The following HSPA4L variants were observed in gnomAD, a reference collection of about 807,000 sequenced individuals.
The protein encoded by HSPA4L is heat shock protein family A (Hsp70) member 4 like, also known as heat shock 70 kDa protein 4L.
HSPA4L carries 48 observed loss-of-function variants against 100.3 expected under a neutral mutation model. The observed-to-expected ratio is 0.48, with a 90% confidence interval of 0.38 to 0.61. HSPA4L has a LOEUF of 0.61. Ranked by LOEUF, HSPA4L falls within the 20% of genes least tolerant of loss-of-function variation. The pLI is 0.00. For synonymous variants in HSPA4L, 319 were observed against 328.2 expected, an observed-to-expected ratio of 0.97 and a Z score of 0.30; for missense variants, 886 against 988.6, an observed-to-expected ratio of 0.90 and a Z score of 1.39.
intron 1 of HSPA4L, 134 bp downstream of exon 1, chr4:127,782,791 C>A: frequency 3.1e-6 from 2 of 639,854 alleles, no homozygotes; most frequent in Non-Finnish European, 2.7e-6. Context: ...CAGGTGCAAC[C>A]CGTCAACCGC....
intron 1 of HSPA4L, among the ~76,000 whole-genome samples, chr4:127,792,424 TAGA>T (rs956376745): frequency 8.5e-5 from 13 of 152,222 alleles, no homozygotes; most frequent in Admixed American, 7.9e-4. Context: ...AGATCTAGGC[TAGA>T]AGATCTAGGC....
At position 127,798,571 on chromosome 4, in the gene HSPA4L, C is replaced by T; in HGVS notation, c.307-16C>T. ...AACAAATGACTCTTAATAAATATCC[C>T]AACTTTTGGTGTTAGGTGCGGTACT... On this transcript the variant is annotated splice_polypyrimidine_tract_variant and intron_variant, in intron 3 of 18. Transcript: ENST00000296464. 6.2e-7 allele frequency: 1 copy of T among 1,611,332 alleles called. No homozygotes were observed. Among genetic ancestry groups the T allele is most frequent in the Non-Finnish European group, 8.5e-7 (1 of 1,178,518 alleles).
chr4:127,797,690 C>T (rs1733062613), intron 3 of HSPA4L, among the ~76,000 whole-genome samples: 1 of 151,372 alleles, frequency 6.6e-6, no homozygotes, highest in African/African-American at 2.4e-5. Flanking sequence ...CAAGCTCTGC[C>T]TCCCGGGTTC....
At chr4:127,796,032 G>T (rs950727966) in intron 3 of HSPA4L, 124 bp downstream of exon 3, 1 of 746,582 alleles carries the variant, frequency 1.3e-6, no homozygotes, top group Non-Finnish European at 2.1e-6. Context: ...CGAAGAGATA[G>T]TAGTTTTTGT....
upstream of HSPA4L, chr4:127,781,839 C>G: frequency 3.7e-6 from 1 of 268,970 alleles, no homozygotes; most frequent in Non-Finnish European, 7.6e-6. Flanking sequence ...CTCGGGGAGG[C>G]GAGGCCTGCG....
intron 5 of HSPA4L, among the ~76,000 whole-genome samples, chr4:127,801,458 C>CGTGTGT (rs33966471): frequency 0.015 from 2,115 of 144,788 alleles, 31 homozygotes; most frequent in African/African-American, 0.052. Flanking sequence ...TATAAAAATA[C>CGTGTGT]GTGTGTGTGT....
intron 16 of HSPA4L, among the ~76,000 whole-genome samples, chr4:127,825,562 A>T (rs1048017123): frequency 6.6e-6 from 1 of 152,152 alleles, no homozygotes; most frequent in Non-Finnish European, 1.5e-5. Context: ...AGAAAACCTA[A>T]GTTTATGATA....
chr4:127,838,119 C>T lies in HSPA4L; in HGVS notation c.*5245C>T, dbSNP rs1734254754. ...CACCTGGCCAATGTTCTTTTATATACTCATGTTTTCTAACAAAACAGCTTT... is the reference window on the plus strand; with the variant it reads ...CACCTGGCCAATGTTCTTTTATATATTCATGTTTTCTAACAAAACAGCTTT... On this transcript the variant is annotated 3_prime_UTR_variant, in exon 19 of 19. Transcript: ENST00000296464. 6.6e-6 allele frequency: 1 copy of T among 152,164 alleles called. No individual in the cohort carries two copies. The allele number at this position is 152,164 out of a possible 1,614,324, so 9.4% of individuals were successfully genotyped here. A position where few individuals can be genotyped will look rare whatever the true frequency, so the allele number is the denominator to read the frequency against.
intron 11 of HSPA4L, 147 bp from the exon 12 acceptor site, chr4:127,811,290 G>T: frequency 3.2e-6 from 2 of 629,376 alleles, no homozygotes; most frequent in South Asian, 2.0e-5. Context: ...GGAAGTACCT[G>T]CCCCATAGTG....
In HSPA4L at chr4:127,809,271, A is replaced by G. The variant is rs955444949; in HGVS notation, c.1378+1142A>G. The G allele has an allele frequency of 2.9e-6, 4 of 1,395,196 alleles. No individual in the cohort carries two copies. In the African/African-American group the frequency reaches 4.3e-5, roughly 15 times the overall value. 86.4% of individuals were successfully genotyped at this position (1,395,196 alleles called of 1,614,324 possible). ...ACTACTTATGCAGAACCAGTCTTCA[A>G]CAAATCATCCTGGAGCTAGCATTGC... On this transcript the variant is annotated intron_variant, in intron 11 of 18. Coordinates refer to ENST00000296464, the MANE Select transcript of HSPA4L (RefSeq NM_014278.4).
At chr4:127,798,527 A>G (rs183218633) in intron 3 of HSPA4L, 60 bp from the exon 4 acceptor site, 1 of 1,559,630 alleles carries the variant, frequency 6.4e-7, no homozygotes, top group Non-Finnish European at 8.8e-7. Flanking sequence ...GTAGGTGCTC[A>G]CTGAATATTT....
chr4:127,791,078 G>A (rs1288653628), intron 1 of HSPA4L, among the ~76,000 whole-genome samples: 1 of 151,820 alleles, frequency 6.6e-6, no homozygotes, highest in Admixed American at 6.6e-5. Flanking sequence ...TCCAGCCTGG[G>A]TGACAGAGCA....
intron 1 of HSPA4L, among the ~76,000 whole-genome samples, chr4:127,791,462 A>G (rs541759483): frequency 1.8e-4 from 28 of 152,328 alleles, no homozygotes; most frequent in African/African-American, 6.5e-4. Context: ...TCTAAAGTTT[A>G]TTTTGCACTT....
intron 1 of HSPA4L, among the ~76,000 whole-genome samples, chr4:127,788,023 G>T (rs369458810): frequency 6.6e-6 from 1 of 151,918 alleles, no homozygotes; most frequent in African/African-American, 2.4e-5. Context: ...ACATTGTTAC[G>T]CATTGATATT....
chr4:127,823,139 T>C (rs1390405326), intron 15 of HSPA4L, among the ~76,000 whole-genome samples: 1 of 152,120 alleles, frequency 6.6e-6, no homozygotes, highest in African/African-American at 2.4e-5. Flanking sequence ...CTTCCATGAT[T>C]TTTAATTTTT....
rs765747544 is a variant in HSPA4L at position 127,808,145 on chromosome 4, G to A, written c.1378+16G>A. ...GCAAGAATTGGTAAGATAAAAAAAA[G>A]TTCTCCATAACATTTTGGCCTTTTA... On this transcript the variant is annotated intron_variant, in intron 11 of 18. Transcript: ENST00000296464. 6.3e-7 allele frequency: 1 copy of A among 1,577,994 alleles called. No individual in the cohort carries two copies. Among genetic ancestry groups the A allele is most frequent in the Non-Finnish European group, 8.6e-7 (1 of 1,168,024 alleles).
rs56013070 is a variant in HSPA4L, at chr4:127,804,608, A to AACACACACACAC, written c.986-436_986-425dup. ...GCAACAGAGTGAGACTCTGTCTCAA[A>AACACACACACAC]ACACACACACACACACACACACACA... is the stretch of plus-strand genomic sequence containing the variant. On this transcript the variant is annotated intron_variant, in intron 8 of 18. Coordinates refer to ENST00000296464, the MANE Select transcript of HSPA4L (RefSeq NM_014278.4). Among the ~76,000 whole-genome samples the AACACACACACAC allele has an allele frequency of 5.3e-4, 76 of 144,408 alleles. 1 individual carries two copies. In the South Asian group the frequency reaches 8.2e-3, roughly 16 times the overall value. 94.7% of individuals were successfully genotyped at this position (144,408 alleles called of 152,430 possible). A position where few individuals can be genotyped will look rare whatever the true frequency, so the allele number is the denominator to read the frequency against.
chr4:127,802,374 C>G (rs112445029), intron 6 of HSPA4L, among the ~76,000 whole-genome samples: 1 of 152,128 alleles, frequency 6.6e-6, no homozygotes, highest in Non-Finnish European at 1.5e-5. Flanking sequence ...ATCATTTTTA[C>G]ATTGATTCTT....
At chr4:127,783,666 A>G (rs1461487305) in intron 1 of HSPA4L, 1 of 1,535,548 alleles carries the variant, frequency 6.5e-7, no homozygotes, top group Non-Finnish European at 8.7e-7. Context: ...AACCTATATT[A>G]CTTTTTATGG....
Sources: gnomAD v4.1 joint callset for allele counts (sites outside exome capture counted in the v4.1 genomes callset) on GRCh38, gnomAD v4.1.1 for gene constraint, MANE v1.5 for transcripts, NCBI Gene and HGNC (gene_info 2026-07-23, HGNC 2026-07-21) for gene names.